NR3C1: variants seen among roughly 807,000 people sequenced by gnomAD.
The protein encoded by NR3C1 is nuclear receptor subfamily 3 group C member 1, also known as glucocorticoid receptor.
In NR3C1, 14 loss-of-function variants were observed where a neutral mutation model predicts 74.0. The ratio of observed to expected loss-of-function variants is 0.19; its 90% CI spans 0.12 to 0.30. The LOEUF (loss-of-function observed/expected upper bound fraction) is 0.30, where lower values mean the gene tolerates loss of function less well. Ranked by LOEUF, NR3C1 falls within the 10% of genes least tolerant of loss-of-function variation. NR3C1 has a pLI of 1.00. For synonymous variants in NR3C1, 308 were observed against 332.5 expected (o/e 0.93, Z 0.80); for missense variants, 695 against 909.8 (o/e 0.76, Z 3.04).
Position 143,279,268 on chromosome 5 carries a change from A to G in NR3C1, c.*2621T>C. 4 of 1,388,168 alleles carry G rather than the reference A, an allele frequency of 2.9e-6. No homozygotes were observed. The highest frequency in any genetic ancestry group is 2.9e-6 in the Non-Finnish European group (3 of 1,026,874). 86.0% of individuals were successfully genotyped at this position (1,388,168 alleles called of 1,614,324 possible). ...GAAAAGCCTCCTATAGTTGTCGATG[A>G]GCATCAGTTGACTTATTATTGACAA... is the stretch of plus-strand genomic sequence containing the variant. On this transcript the variant is annotated 3_prime_UTR_variant, in exon 9 of 9. Transcript: ENST00000394464.
chr5:143,342,155 A>T (rs1828359815), intron 2 of NR3C1, among the ~76,000 whole-genome samples: 1 of 152,250 alleles, frequency 6.6e-6, no homozygotes, highest in Non-Finnish European at 1.5e-5. Flanking sequence ...AAACTATTAC[A>T]TTTTAAGAAT....
At chr5:143,299,601 T>C (rs1002916319) in intron 5 of NR3C1, among the ~76,000 whole-genome samples, 1 of 152,174 alleles carries the variant, frequency 6.6e-6, no homozygotes, top group Non-Finnish European at 1.5e-5. Context: ...AAAGAGAAGA[T>C]TTGGAATGTT....
chr5:143,412,285 A>G (rs1162276255), intron 1 of NR3C1, among the ~76,000 whole-genome samples: 1 of 151,098 alleles, frequency 6.6e-6, no homozygotes, highest in Non-Finnish European at 1.5e-5. Flanking sequence ...GGGGAGGGGA[A>G]GCCCCAAATA....
At chr5:143,379,894 T>C (rs1236996576) in intron 2 of NR3C1, among the ~76,000 whole-genome samples, 2 of 152,214 alleles carry the variant, frequency 1.3e-5, no homozygotes, top group Non-Finnish European at 2.9e-5. Flanking sequence ...TGAAGAATAA[T>C]AAATGGTTGT....
chr5:143,392,244 C>T (rs545901125), intron 2 of NR3C1, among the ~76,000 whole-genome samples: 12 of 152,274 alleles, frequency 7.9e-5, no homozygotes, highest in Admixed American at 2.6e-4. Flanking sequence ...GGATTACAGG[C>T]GTGAGCCACC....
At chr5:143,423,992 C>T (rs973902339) in intron 1 of NR3C1, among the ~76,000 whole-genome samples, 5 of 128,680 alleles carry the variant, frequency 3.9e-5, no homozygotes, top group Admixed American at 3.9e-4. Context: ...TATTCTCACT[C>T]GTAGGTGGGA....
rs1839923504 is a variant in NR3C1, at chr5:143,399,843, G to A, written c.997C>T (p.His333Tyr). ...GVSTSGGQMYHYDMNTASLSQ... is the reference protein window; with the variant it reads ...GVSTSGGQMYYYDMNTASLSQ... ...AGGGATGCTGTATTCATGTCATAGT[G>A]GTACATCTGTCCTCCAGAGGTACTC... Residue 333 changes from histidine (H) to tyrosine (Y), a missense_variant, in exon 2 of 9, where the codon CAC becomes TAC. Physicochemically the swap from His to Tyr is moderately conservative, Grantham distance 83. Coordinates refer to ENST00000394464, the MANE Select transcript of NR3C1 (RefSeq NM_000176.3). 1.2e-6 allele frequency: 2 copies of A among 1,613,992 alleles called. No individual in the cohort carries two copies. The highest frequency in any genetic ancestry group is 1.7e-5 in the Admixed American group (1 of 59,996).
Position 143,317,793 on chromosome 5 carries a change from G to A in NR3C1, c.1185-3625C>T, listed in dbSNP as rs947626961. Among the ~76,000 whole-genome samples the A allele has an allele frequency of 2.1e-4, 32 of 152,224 alleles. 1 individual carries two copies. The highest frequency in any genetic ancestry group is 8.8e-5 in the Non-Finnish European group (6 of 68,004). On this transcript the variant is annotated intron_variant, in intron 2 of 8. Coordinates refer to ENST00000394464, the MANE Select transcript of NR3C1 (RefSeq NM_000176.3). ...ATTACACCCATTCATTCAGGCAGACGTTTCCTGGCACCTGAATGAAAGGCA... is the reference window on the plus strand; with the variant it reads ...ATTACACCCATTCATTCAGGCAGACATTTCCTGGCACCTGAATGAAAGGCA...
chr5:143,349,235 CTGA>C, intron 2 of NR3C1, among the ~76,000 whole-genome samples: 1 of 152,190 alleles, frequency 6.6e-6, no homozygotes, highest in Non-Finnish European at 1.5e-5. Context: ...ACAACACTAT[CTGA>C]TGATGGCTGT....
intron 2 of NR3C1, among the ~76,000 whole-genome samples, chr5:143,338,935 A>G (rs140903894): frequency 7.2e-5 from 11 of 152,236 alleles, no homozygotes; most frequent in African/African-American, 2.2e-4. Flanking sequence ...CCTCTTTTAT[A>G]TTGTATTTTT....
intron 2 of NR3C1, among the ~76,000 whole-genome samples, chr5:143,380,885 G>T (rs1042016933): frequency 2.0e-5 from 3 of 152,148 alleles, no homozygotes; most frequent in African/African-American, 7.2e-5. Context: ...TTTCTTCTAA[G>T]ATCTACAACA....
intron 2 of NR3C1, among the ~76,000 whole-genome samples, chr5:143,363,210 G>C (rs1319461537): frequency 2.0e-5 from 3 of 152,130 alleles, no homozygotes; most frequent in Non-Finnish European, 4.4e-5. Context: ...AGAGACTTCA[G>C]GGTGCCCACA....
At chr5:143,435,141 GC>G (rs1752049061) in exon 1 of NR3C1, 1 of 985,238 alleles carries the variant, frequency 1.0e-6, no homozygotes, top group Non-Finnish European at 1.2e-6. Context: ...ATGAATGCGT[GC>G]ATATTCACAC....
At chr5:143,317,840 C>T (rs896802643) in intron 2 of NR3C1, among the ~76,000 whole-genome samples, 1 of 152,116 alleles carries the variant, frequency 6.6e-6, no homozygotes, top group Non-Finnish European at 1.5e-5. Context: ...GATCCAGTAT[C>T]ATGCTACAAA....
chr5:143,432,482 A>C (rs1751877918), intron 1 of NR3C1, among the ~76,000 whole-genome samples: 2 of 152,124 alleles, frequency 1.3e-5, no homozygotes, highest in Non-Finnish European at 2.9e-5. Flanking sequence ...GTGGGGACAG[A>C]AGTGAACTAT....
chr5:143,362,708 GA>G (rs1832505623), intron 2 of NR3C1, among the ~76,000 whole-genome samples: 1 of 152,092 alleles, frequency 6.6e-6, no homozygotes, highest in Non-Finnish European at 1.5e-5. Context: ...TGACTCCATG[GA>G]AGACCACCTC....
At chr5:143,425,553 A>C (rs1751485075) in intron 1 of NR3C1, among the ~76,000 whole-genome samples, 1 of 152,150 alleles carries the variant, frequency 6.6e-6, no homozygotes, top group Non-Finnish European at 1.5e-5. Context: ...CCAACATTTC[A>C]AAAAAAGGCA....
chr5:143,283,896 C>G (rs935821094), intron 7 of NR3C1, among the ~76,000 whole-genome samples: 8 of 152,130 alleles, frequency 5.3e-5, no homozygotes, highest in African/African-American at 1.9e-4. Context: ...TTGAGAAAAG[C>G]TAAATGTTTA....
chr5:143,312,040 CCTTT>C (rs1340551339), intron 3 of NR3C1, among the ~76,000 whole-genome samples: 6 of 152,048 alleles, frequency 3.9e-5, no homozygotes, highest in Non-Finnish European at 8.8e-5. Context: ...TGGTAAATTC[CCTTT>C]CTAACTAATA....
Sources: gnomAD v4.1 joint callset for allele counts (sites outside exome capture counted in the v4.1 genomes callset) on GRCh38, gnomAD v4.1.1 for gene constraint, MANE v1.5 for transcripts, NCBI Gene and HGNC (gene_info 2026-07-23, HGNC 2026-07-21) for gene names.